Variants in TMED10 observed in about 807,000 individuals in gnomAD.
TMED10 encodes transmembrane emp24 domain-containing protein 10.
Under a neutral mutation model 23.1 loss-of-function variants are expected in TMED10, and 7 were observed. The observed-to-expected ratio is 0.30, with a 90% CI of 0.17 to 0.57. The LOEUF (loss-of-function observed/expected upper bound fraction) is 0.57. TMED10 is among the 20% of genes least tolerant of loss of function. The pLI is 0.91. For synonymous variants in TMED10, 113 were observed against 106.9 expected (o/e 1.06, Z -0.35); for missense variants, 162 against 274.8 (o/e 0.59, Z 2.90).
chr14:75,173,673 C>T (rs57520725), intron 1 of TMED10, among the ~76,000 whole-genome samples: 2,001 of 152,238 alleles, frequency 0.013, 38 homozygotes, highest in African/African-American at 0.046. Context: ...AGGAGAGCAA[C>T]TGAGTGATAG....
chr14:75,166,826 A>T (rs1331458230), intron 1 of TMED10, among the ~76,000 whole-genome samples: 2 of 152,320 alleles, frequency 1.3e-5, no homozygotes, highest in East Asian at 3.9e-4. Context: ...ATTCACGCTG[A>T]AAGGGCCATA....
intron 2 of TMED10, among the ~76,000 whole-genome samples, chr14:75,148,914 T>C (rs543999067): frequency 9.2e-5 from 14 of 152,246 alleles, no homozygotes; most frequent in Non-Finnish European, 1.8e-4. Context: ...ATTTATTTAA[T>C]TAAAAAAAAT....
chr14:75,149,031 T>C (rs1895923004), intron 2 of TMED10, among the ~76,000 whole-genome samples: 1 of 152,010 alleles, frequency 6.6e-6, no homozygotes, highest in African/African-American at 2.4e-5. Flanking sequence ...ATCCTCCCAC[T>C]TCAGTCTTTC....
intron 1 of TMED10, among the ~76,000 whole-genome samples, chr14:75,154,732 C>T (rs1382487042): frequency 2.6e-5 from 4 of 152,114 alleles, no homozygotes; most frequent in South Asian, 2.1e-4. Context: ...GATGCGATCT[C>T]GGCTTACTGC....
intron 1 of TMED10, among the ~76,000 whole-genome samples, chr14:75,161,622 T>G (rs147745536): frequency 6.6e-6 from 1 of 152,146 alleles, no homozygotes; most frequent in Non-Finnish European, 1.5e-5. Flanking sequence ...ACAGTTCAAA[T>G]GAGTTCTTTT....
chr14:75,136,206 T>A (rs1437044387), intron 3 of TMED10, among the ~76,000 whole-genome samples: 2 of 152,232 alleles, frequency 1.3e-5, no homozygotes, highest in Non-Finnish European at 2.9e-5. Flanking sequence ...TTGCCCAGGC[T>A]GGAGTGCAGT....
intron 1 of TMED10, among the ~76,000 whole-genome samples, chr14:75,157,795 T>C (rs1303370563): frequency 4.6e-5 from 7 of 151,476 alleles, no homozygotes. Context: ...CAAAAATTAG[T>C]TGGGCGTAGT....
intron 3 of TMED10, among the ~76,000 whole-genome samples, chr14:75,141,084 A>C (rs544691678): frequency 6.6e-6 from 1 of 152,350 alleles, no homozygotes; most frequent in East Asian, 1.9e-4. Context: ...CACAGCTTAT[A>C]TAGTAAGTTA....
chr14:75,144,543 T>G (rs1895859778), intron 3 of TMED10, among the ~76,000 whole-genome samples: 1 of 152,190 alleles, frequency 6.6e-6, no homozygotes. Context: ...TAATAACAAT[T>G]TAGGTAGGTA....
chr14:75,170,672 A>G (rs1200828982), intron 1 of TMED10, among the ~76,000 whole-genome samples: 1 of 152,236 alleles, frequency 6.6e-6, no homozygotes, highest in Non-Finnish European at 1.5e-5. Flanking sequence ...AAACTCTTGG[A>G]CAACACTGAA....
intron 1 of TMED10, among the ~76,000 whole-genome samples, chr14:75,165,976 T>C (rs772976965): frequency 1.1e-4 from 9 of 83,550 alleles, no homozygotes; most frequent in Non-Finnish European, 1.4e-4. Flanking sequence ...ATGCTTGACT[T>C]GGGGGAGGAG....
Position 75,131,920 on chromosome 14 carries a change from TC to T in TMED10, c.*2964del, listed in dbSNP as rs1414763338. On this transcript the variant is annotated 3_prime_UTR_variant, in exon 5 of 5. Transcript: ENST00000303575. ...AGGGTCACACTTGGGAACAAAAGCA[TC>T]AACGAAATAAAATATTCTCTTCTCC... is the stretch of plus-strand genomic sequence containing the variant. The T allele has an allele frequency of 1.3e-5, 2 of 152,454 alleles. No homozygotes were observed. Among genetic ancestry groups the T allele is most frequent in the African/African-American group, 4.8e-5 (2 of 41,446 alleles). 9.4% of individuals were successfully genotyped at this position (152,454 alleles called of 1,614,324 possible). A position where few individuals can be genotyped will look rare whatever the true frequency, so the allele number is the denominator to read the frequency against.
chr14:75,174,611 T>C (rs981659744), intron 1 of TMED10, among the ~76,000 whole-genome samples: 11 of 152,316 alleles, frequency 7.2e-5, no homozygotes, highest in African/African-American at 2.6e-4. Context: ...AATAAAATGA[T>C]GGGTCACAGA....
intron 1 of TMED10, among the ~76,000 whole-genome samples, chr14:75,166,064 A>G (rs943647122): frequency 2.0e-5 from 3 of 152,138 alleles, no homozygotes; most frequent in Non-Finnish European, 4.4e-5. Flanking sequence ...CTGCCCTAAC[A>G]ATACTACTGC....
At chr14:75,165,301 C>G (rs917962806) in intron 1 of TMED10, among the ~76,000 whole-genome samples, 3 of 152,234 alleles carry the variant, frequency 2.0e-5, no homozygotes, top group East Asian at 1.9e-4. Context: ...GATCTTGGCT[C>G]ACCACAACCT....
chr14:75,171,929 CT>C (rs918924697), intron 1 of TMED10, among the ~76,000 whole-genome samples: 1,030 of 142,422 alleles, frequency 7.2e-3, no homozygotes, highest in Middle Eastern at 0.011. Flanking sequence ...CTGGTTACAT[CT>C]TTTTTTTTTT....
rs374427010 is a variant in TMED10 at position 75,165,304 on chromosome 14, C to T, written c.225+11051G>A. Reference sequence around the variant, plus strand: ...GTGCAGTGGCATGATCTTGGCTCACCACAACCTCCACCTCCCAGGTTCAAG... The same window carrying T: ...GTGCAGTGGCATGATCTTGGCTCACTACAACCTCCACCTCCCAGGTTCAAG... On this transcript the variant is annotated intron_variant, in intron 1 of 4. Transcript: ENST00000303575. Among the ~76,000 whole-genome samples the T allele has an allele frequency of 2.1e-4, 32 of 152,100 alleles. No homozygotes were observed. The East Asian group carries it at 2.9e-3, about 14-fold the overall frequency.
chr14:75,173,122 A>G (rs1411716814), intron 1 of TMED10, among the ~76,000 whole-genome samples: 1 of 152,236 alleles, frequency 6.6e-6, no homozygotes, highest in Non-Finnish European at 1.5e-5. Context: ...GCAATGGCTC[A>G]TGCCTGTAAT....
rs1242998676 is a variant in TMED10, at chr14:75,132,560, A to C, written c.*2325T>G. ...AGGTTCTCAGAAGCAGTACCTACCA[A>C]TTCTCAACAGCAGATGGCAATGTTG... On this transcript the variant is annotated 3_prime_UTR_variant, in exon 5 of 5. Coordinates refer to ENST00000303575, the MANE Select transcript of TMED10 (RefSeq NM_006827.6). 1 of 152,126 alleles carries C rather than the reference A, an allele frequency of 6.6e-6. No homozygotes were observed. The highest frequency in any genetic ancestry group is 1.9e-4 in the East Asian group (1 of 5,190). The allele number at this position is 152,126 out of a possible 1,614,324, so 9.4% of individuals were successfully genotyped here.
Sources: allele counts gnomAD v4.1 joint callset (sites outside exome capture counted in the v4.1 genomes callset), GRCh38; gene constraint gnomAD v4.1.1; transcripts MANE v1.5; gene names NCBI Gene and HGNC (gene_info 2026-07-23, HGNC 2026-07-21).